The following APPBP2 variants were observed in gnomAD, a reference collection of about 807,000 sequenced individuals.
The protein encoded by APPBP2 is amyloid beta precursor protein binding protein 2.
In APPBP2, 15 loss-of-function variants were observed where a neutral mutation model predicts 76.0. That is an observed-to-expected ratio of 0.20 (90% CI 0.13 to 0.30). The LOEUF is 0.30. Among genes scored for constraint, APPBP2 ranks in the 10% least tolerant of loss-of-function variants. The pLI, the probability that APPBP2 is intolerant of heterozygous loss-of-function variation, is 1.00. For missense variants in APPBP2, 401 were observed against 687.2 expected (o/e 0.58, Z 4.66); for synonymous variants, 222 against 242.2 (o/e 0.92, Z 0.77).
Position 60,525,849 on chromosome 17 carries a change from G to C in APPBP2, c.83C>G (p.Ser28Cys). ...GGGCAAGGAGCGGATGTCTCGGCGG[G>C]AGCGGATGTAGTTGTCCACGACAGC... ...ISAVVDNYIRSRRDIRSLPEN... is the reference protein window; with the variant it reads ...ISAVVDNYIRCRRDIRSLPEN... Residue 28 changes from serine to cysteine, a missense_variant, in exon 1 of 13, where the codon TCC (serine) becomes TGC (cysteine). Ser to Cys is a moderately radical substitution (Grantham distance 112). Around this residue, in one of 5 missense-constraint regions of APPBP2, gnomAD observed 149 missense variants for 198.4 expected, o/e 0.75. Coordinates refer to ENST00000083182, the MANE Select transcript of APPBP2 (RefSeq NM_006380.5). 6.2e-7 allele frequency: 1 copy of C among 1,613,756 alleles called. No individual in the cohort carries two copies. The highest frequency in any genetic ancestry group is 8.5e-7 in the Non-Finnish European group (1 of 1,179,902).
chr17:60,443,311 A>G lies in APPBP2; in HGVS notation c.*4270T>C, dbSNP rs1352041886. On this transcript the variant is annotated 3_prime_UTR_variant, in exon 13 of 13. Coordinates refer to ENST00000083182, the MANE Select transcript of APPBP2 (RefSeq NM_006380.5). ...GTTGGTGAGAATGATATGAAAGGTC[A>G]TCCTGACACAATGAAGAACCGTCTT... 6.5e-6 allele frequency: 1 copy of G among 152,672 alleles called. No homozygotes were observed. Among genetic ancestry groups the G allele is most frequent in the Non-Finnish European group, 1.5e-5 (1 of 68,050 alleles). 9.5% of individuals were successfully genotyped at this position (152,672 alleles called of 1,614,324 possible). A position where few individuals can be genotyped will look rare whatever the true frequency, so the allele number is the denominator to read the frequency against.
rs116953618 is a variant in APPBP2 at position 60,509,424 on chromosome 17, G to T, written c.139-8937C>A. 6.6e-4 allele frequency among the ~76,000 whole-genome samples: 100 copies of T among 151,916 alleles called. 2 individuals carry two copies. The East Asian group carries it at 0.019, about 29-fold the overall frequency. On this transcript the variant is annotated intron_variant, in intron 1 of 12. Coordinates refer to ENST00000083182, the MANE Select transcript of APPBP2 (RefSeq NM_006380.5). Reference sequence around the variant, plus strand: ...TGAAACAACTGAAAATTTGAACAGTGACTGTACATTTAAGAACATTAAGGA... The same window carrying T: ...TGAAACAACTGAAAATTTGAACAGTTACTGTACATTTAAGAACATTAAGGA...
chr17:60,512,646 C>T (rs1034839194), intron 1 of APPBP2, among the ~76,000 whole-genome samples: 1 of 150,992 alleles, frequency 6.6e-6, no homozygotes, highest in African/African-American at 2.4e-5. Flanking sequence ...ACCAGACTGG[C>T]CAACATAGTG....
chr17:60,511,679 T>G (rs2090915076), intron 1 of APPBP2, among the ~76,000 whole-genome samples: 2 of 152,120 alleles, frequency 1.3e-5, no homozygotes, highest in Non-Finnish European at 2.9e-5. Context: ...AACACTTGTT[T>G]CCTCTGATTT....
chr17:60,514,270 G>GT (rs2090944887), intron 1 of APPBP2, among the ~76,000 whole-genome samples: 2 of 151,994 alleles, frequency 1.3e-5, no homozygotes, highest in Non-Finnish European at 1.5e-5. Context: ...TTCCAGCCTG[G>GT]GTAACAGAGC....
At chr17:60,491,008 C>A (rs528642336) in intron 3 of APPBP2, among the ~76,000 whole-genome samples, 28 of 152,254 alleles carry the variant, frequency 1.8e-4, no homozygotes, top group African/African-American at 6.0e-4. Context: ...GAGTGGGGAG[C>A]TGCTATAAAG....
In APPBP2 at chr17:60,460,884, C is replaced by A; in HGVS notation, c.937-97G>T. 3.2e-6 allele frequency: 4 copies of A among 1,248,974 alleles called. No homozygotes were observed. In the South Asian group the frequency reaches 8.6e-5, roughly 27 times the overall value. 77.4% of individuals were successfully genotyped at this position (1,248,974 alleles called of 1,614,324 possible). ...TTTAAATATATATCTATATGCCTAA[C>A]ACCATAAAATTTTGAAGCCCAGAAA... is the stretch of plus-strand genomic sequence containing the variant. On this transcript the variant is annotated intron_variant, in intron 8 of 12. Coordinates refer to ENST00000083182, the MANE Select transcript of APPBP2 (RefSeq NM_006380.5).
intron 3 of APPBP2, among the ~76,000 whole-genome samples, chr17:60,481,267 CTCT>C (rs1177834191): frequency 6.6e-6 from 1 of 152,062 alleles, no homozygotes; most frequent in Non-Finnish European, 1.5e-5. Flanking sequence ...CCCTTTTTGC[CTCT>C]TTAGTTCTCT....
At chr17:60,462,228 C>T (rs1322669304) in intron 6 of APPBP2, 167 bp from the exon 7 acceptor site, 4 of 614,456 alleles carry the variant, frequency 6.5e-6, no homozygotes, top group Non-Finnish European at 1.1e-5. Flanking sequence ...CTTAAAAATT[C>T]TATTATAAAC....
intron 1 of APPBP2, among the ~76,000 whole-genome samples, chr17:60,512,752 T>C (rs544741779): frequency 1.4e-5 from 2 of 141,632 alleles, no homozygotes; most frequent in South Asian, 4.8e-4. Context: ...GGAAAATAAT[T>C]TGAACTCAGG....
rs75381110 is a variant in APPBP2 at position 60,470,028 on chromosome 17, C to T, written c.504-3569G>A. On this transcript the variant is annotated intron_variant, in intron 4 of 12. Transcript: ENST00000083182. ...AAGTTTCCAATTTCTTTTTTTTTTTCAAATGCTCTCTCAGCAGAATCACTT... is the reference window on the plus strand; with the variant it reads ...AAGTTTCCAATTTCTTTTTTTTTTTTAAATGCTCTCTCAGCAGAATCACTT... Among the ~76,000 whole-genome samples the T allele has an allele frequency of 2.9e-4, 44 of 149,998 alleles. No homozygotes were observed. The East Asian group carries it at 8.0e-3, about 27-fold the overall frequency.
chr17:60,525,283 A>T (rs979934404), intron 1 of APPBP2, among the ~76,000 whole-genome samples: 2 of 152,172 alleles, frequency 1.3e-5, no homozygotes, highest in Non-Finnish European at 2.9e-5. Flanking sequence ...ATAATCCCTA[A>T]CTCCTTCCCA....
rs574471676 is a variant in APPBP2, at chr17:60,490,470, A to C, written c.379+3996T>G. Among the ~76,000 whole-genome samples, 49 of 152,284 alleles carry C rather than the reference A, an allele frequency of 3.2e-4. No homozygotes were observed. In the South Asian group the frequency reaches 0.01, roughly 32 times the overall value. On this transcript the variant is annotated intron_variant, in intron 3 of 12. Transcript: ENST00000083182. ...GAAGAATGCTTGAGCCCAGGAGTTCAAGACCAGCCTGGGCAACATAGCAAG... is the reference window on the plus strand; with the variant it reads ...GAAGAATGCTTGAGCCCAGGAGTTCCAGACCAGCCTGGGCAACATAGCAAG...
chr17:60,488,021 A>G (rs1170246486), intron 3 of APPBP2, among the ~76,000 whole-genome samples: 2 of 152,254 alleles, frequency 1.3e-5, no homozygotes, highest in Non-Finnish European at 2.9e-5. Flanking sequence ...GGGTATCACC[A>G]GCGAAAGCTG....
intron 1 of APPBP2, among the ~76,000 whole-genome samples, chr17:60,524,891 G>A (rs1179960880): frequency 6.6e-6 from 1 of 152,342 alleles, no homozygotes; most frequent in Middle Eastern, 3.4e-3. Flanking sequence ...AATAAATCCA[G>A]TGTTCACATT....
intron 1 of APPBP2, among the ~76,000 whole-genome samples, chr17:60,521,138 A>T (rs1253431288): frequency 6.6e-6 from 1 of 152,128 alleles, no homozygotes; most frequent in Non-Finnish European, 1.5e-5. Context: ...CTTTTATACC[A>T]AAATGGTTGC....
At chr17:60,489,288 C>T (rs1368361833) in intron 3 of APPBP2, among the ~76,000 whole-genome samples, 4 of 150,396 alleles carry the variant, frequency 2.7e-5, no homozygotes, top group African/African-American at 7.3e-5. Flanking sequence ...CTTCGGCAAC[C>T]TGTCTTTGGC....
chr17:60,474,138 C>A (rs181260697), intron 4 of APPBP2, among the ~76,000 whole-genome samples: 3 of 152,054 alleles, frequency 2.0e-5, no homozygotes, highest in Admixed American at 2.0e-4. Flanking sequence ...TCATGACCTC[C>A]AGAATAATTC....
intron 1 of APPBP2, among the ~76,000 whole-genome samples, chr17:60,509,235 C>A (rs2090892228): frequency 6.6e-6 from 1 of 151,892 alleles, no homozygotes; most frequent in Admixed American, 6.6e-5. Context: ...CAAAAATTGG[C>A]CAGGCATGGT....
Sources: allele counts gnomAD v4.1 joint callset (sites outside exome capture counted in the v4.1 genomes callset), GRCh38; gene constraint gnomAD v4.1.1; regional missense constraint gnomAD v4.1.1; transcripts MANE v1.5; gene names NCBI Gene and HGNC (gene_info 2026-07-23, HGNC 2026-07-21).